PHACTR2: variants seen among roughly 807,000 people sequenced by gnomAD.
The protein encoded by PHACTR2 is chromosome 6 open reading frame 56.
In PHACTR2, 30 loss-of-function variants were observed where a neutral mutation model predicts 76.0. The ratio of observed to expected loss-of-function variants is 0.39; its 90% CI spans 0.30 to 0.54. PHACTR2 has a LOEUF of 0.54. Ranked by LOEUF, PHACTR2 falls within the 20% of genes least tolerant of loss-of-function variation. PHACTR2 has a pLI of 0.61. For synonymous variants in PHACTR2, 292 were observed against 292.5 expected, an observed-to-expected ratio of 1.00 and a Z score of 0.02; for missense variants, 696 against 781.1, an observed-to-expected ratio of 0.89 and a Z score of 1.30.
intron 9 of PHACTR2, among the ~76,000 whole-genome samples, chr6:143,781,340 A>G (rs1031838920): frequency 1.3e-5 from 2 of 152,226 alleles, no homozygotes; most frequent in African/African-American, 4.8e-5. Flanking sequence ...TAATAAGGCA[A>G]AACTTTCAAA....
intron 1 of PHACTR2, among the ~76,000 whole-genome samples, chr6:143,704,097 G>GTGTGTGTGTC (rs1554221247): frequency 2.8e-5 from 4 of 142,528 alleles, no homozygotes; most frequent in African/African-American, 5.5e-5. Flanking sequence ...GTGTGTGTCT[G>GTGTGTGTGTC]TGTGTGTGTG....
At chr6:143,744,342 A>C (rs1335282165) in intron 2 of PHACTR2, among the ~76,000 whole-genome samples, 1 of 152,202 alleles carries the variant, frequency 6.6e-6, no homozygotes, top group African/African-American at 2.4e-5. Flanking sequence ...TCTTTTATTC[A>C]ACAAATACAC....
chr6:143,585,913 CATT>C lies in PHACTR2; in HGVS notation c.217+48710_217+48712del, dbSNP rs1436648942. 1.3e-5 allele frequency among the ~76,000 whole-genome samples: 2 copies of C among 152,174 alleles called. No homozygotes were observed. The highest frequency in any genetic ancestry group is 2.9e-5 in the Non-Finnish European group (2 of 68,026). ...CCGCTAGCACTTCATGGCAGGGACA[CATT>C]ATTTTTCTTCTTTGAAACAATCCAT... On this transcript the variant is annotated intron_variant, in intron 1 of 11. Transcript: ENST00000367584. This position sits in a 1 kb window ranked among gnomAD's most constrained non-coding sequence, Gnocchi z 5.2.
chr6:143,819,927 A>G lies in PHACTR2; in HGVS notation c.1923-3747A>G, dbSNP rs1776376066. The stretch of plus-strand genomic sequence containing the variant: ...TGGCTCACAGTTCTGCAGGCTGTAC[A>G]GGAAGCATAGCAGCATCTGCTTCTG... On this transcript the variant is annotated intron_variant, in intron 12 of 12. Transcript: ENST00000440869. This position sits in a 1 kb window ranked among gnomAD's most constrained non-coding sequence, Gnocchi z 5.0. 6.6e-6 allele frequency among the ~76,000 whole-genome samples: 1 copy of G among 152,206 alleles called. No homozygotes were observed. The highest frequency in any genetic ancestry group is 2.4e-5 in the African/African-American group (1 of 41,456).
chr6:143,796,138 T>C (rs902703686), intron 11 of PHACTR2, among the ~76,000 whole-genome samples: 9 of 152,212 alleles, frequency 5.9e-5, no homozygotes, highest in African/African-American at 2.2e-4. Context: ...TAAGAAAGCC[T>C]GAGATTTTTG....
chr6:143,631,501 C>T (rs1776362487), intron 1 of PHACTR2, among the ~76,000 whole-genome samples: 1 of 152,080 alleles, frequency 6.6e-6, no homozygotes, highest in South Asian at 2.1e-4. Context: ...GCCAGGCAAG[C>T]TTTTTTTAGC....
chr6:143,779,032 A>G (rs919730946), intron 9 of PHACTR2, among the ~76,000 whole-genome samples: 3 of 152,122 alleles, frequency 2.0e-5, no homozygotes, highest in African/African-American at 7.2e-5. Context: ...TCACCTAAGC[A>G]TATTTATTTC....
At chr6:143,744,399 G>A (rs1562290838) in intron 2 of PHACTR2, among the ~76,000 whole-genome samples, 1 of 152,190 alleles carries the variant, frequency 6.6e-6, no homozygotes, top group Non-Finnish European at 1.5e-5. Context: ...TGGGGACACA[G>A]CAGTAAGCAA....
At position 143,671,447 on chromosome 6, in the gene PHACTR2, G is replaced by C. The variant is rs1777152850; in HGVS notation, c.14-40569G>C. Among the ~76,000 whole-genome samples, 1 of 152,054 alleles carries C rather than the reference G, an allele frequency of 6.6e-6. No individual in the cohort carries two copies. The highest frequency in any genetic ancestry group is 6.6e-5 in the Admixed American group (1 of 15,266). ...ACTCCATTACCTCCTTTGTGTTTTT[G>C]CTTAAACATTATCTTCTCAGTGAGG... On this transcript the variant is annotated intron_variant, in intron 1 of 11. Transcript: ENST00000305766. This position sits in a 1 kb window ranked among gnomAD's most constrained non-coding sequence, Gnocchi z 4.6.
rs1776219220 is a variant in PHACTR2 at position 143,624,492 on chromosome 6, A to G, written c.13+16170A>G. The stretch of plus-strand genomic sequence containing the variant: ...ATATCACCACAACATGGACATTTCA[A>G]CTAGATTTTCTTCCACCTTCCTAAA... On this transcript the variant is annotated intron_variant, in intron 1 of 11. Coordinates refer to the PHACTR2 transcript ENST00000305766. The surrounding 1 kb of genome is among the most constrained non-coding windows in gnomAD (Gnocchi z 4.6). Among the ~76,000 whole-genome samples the G allele has an allele frequency of 6.6e-6, 1 of 152,212 alleles. No individual in the cohort carries two copies. The highest frequency in any genetic ancestry group is 2.4e-5 in the African/African-American group (1 of 41,476).
At chr6:143,545,720 C>A (rs1006767631) in intron 1 of PHACTR2, among the ~76,000 whole-genome samples, 1 of 152,150 alleles carries the variant, frequency 6.6e-6, no homozygotes, top group Non-Finnish European at 1.5e-5. Context: ...ATATCTATCA[C>A]CCCTCATAGA....
intron 12 of PHACTR2, among the ~76,000 whole-genome samples, chr6:143,812,841 G>A (rs146507290): frequency 6.6e-6 from 1 of 152,048 alleles, no homozygotes; most frequent in African/African-American, 2.4e-5. Context: ...AGACCAACAT[G>A]GCAAACAAAA....
chr6:143,602,540 T>C lies in PHACTR2; in HGVS notation c.217+65333T>C, dbSNP rs1305025910. Among the ~76,000 whole-genome samples, 1 of 152,238 alleles carries C rather than the reference T, an allele frequency of 6.6e-6. No individual in the cohort carries two copies. Among genetic ancestry groups the C allele is most frequent in the African/African-American group, 2.4e-5 (1 of 41,454 alleles). On this transcript the variant is annotated intron_variant, in intron 1 of 11. Coordinates refer to the PHACTR2 transcript ENST00000367584. The surrounding 1 kb of genome is among the most constrained non-coding windows in gnomAD (Gnocchi z 6.1). ...TGGCCTTGACCTCTGCTTTTGTCCC[T>C]TGGGTACAGCAGGACATTGCAGAAA...
In PHACTR2 at chr6:143,688,800, G is replaced by C. The variant is rs1347386706; in HGVS notation, c.46+10591G>C. Among the ~76,000 whole-genome samples the C allele has an allele frequency of 6.6e-6, 1 of 152,274 alleles. No individual in the cohort carries two copies. The highest frequency in any genetic ancestry group is 1.9e-4 in the East Asian group (1 of 5,170). Reference sequence around the variant, plus strand: ...AGATTCCAGCTGCTCTCCTGCTTCTGTTCCCACCCTTCTGCAATTCATTTT... The same window carrying C: ...AGATTCCAGCTGCTCTCCTGCTTCTCTTCCCACCCTTCTGCAATTCATTTT... On this transcript the variant is annotated intron_variant, in intron 1 of 12. Transcript: ENST00000440869. This position sits in a 1 kb window ranked among gnomAD's most constrained non-coding sequence, Gnocchi z 5.2.
rs1184470018 is a variant in PHACTR2 at position 143,581,906 on chromosome 6, TG to T, written c.217+44700del. ...ACTTAGATGAACCCAGTCTATTTTTTGCAGTTATACATGGGGATGGCAAAAG... is the reference window on the plus strand; with the variant it reads ...ACTTAGATGAACCCAGTCTATTTTTTCAGTTATACATGGGGATGGCAAAAG... On this transcript the variant is annotated intron_variant, in intron 1 of 11. Coordinates refer to the PHACTR2 transcript ENST00000367584. The surrounding 1 kb of genome is among the most constrained non-coding windows in gnomAD (Gnocchi z 4.5). Among the ~76,000 whole-genome samples, 1 of 152,194 alleles carries T rather than the reference TG, an allele frequency of 6.6e-6. No homozygotes were observed. Among genetic ancestry groups the T allele is most frequent in the African/African-American group, 2.4e-5 (1 of 41,432 alleles).
intron 1 of PHACTR2, among the ~76,000 whole-genome samples, chr6:143,612,628 C>T (rs1423470649): frequency 6.6e-6 from 1 of 151,328 alleles, no homozygotes; most frequent in Non-Finnish European, 1.5e-5. Context: ...CACACACGTA[C>T]ATAATATGTA....
At position 143,829,296 on chromosome 6, in the gene PHACTR2, A is replaced by G. The variant is rs922955014; in HGVS notation, c.*5607A>G. ...ATTGTTGCATGGGTTAAACACAAAC[A>G]CAGACTAGCAATGCACTTGAACAAA... On this transcript the variant is annotated 3_prime_UTR_variant, in exon 13 of 13. Coordinates refer to ENST00000440869, the MANE Select transcript of PHACTR2 (RefSeq NM_001100164.2). 6.6e-6 allele frequency: 1 copy of G among 151,372 alleles called. No individual in the cohort carries two copies. Among genetic ancestry groups the G allele is most frequent in the South Asian group, 2.1e-4 (1 of 4,804 alleles). The allele number at this position is 151,372 out of a possible 1,614,324, so 9.4% of individuals were successfully genotyped here. A position where few individuals can be genotyped will look rare whatever the true frequency, so the allele number is the denominator to read the frequency against.
rs1775807706 is a variant in PHACTR2, at chr6:143,795,709, T to C, written c.1845+6799T>C. Among the ~76,000 whole-genome samples, 3 of 152,236 alleles carry C rather than the reference T, an allele frequency of 2.0e-5. No homozygotes were observed. The highest frequency in any genetic ancestry group is 4.4e-5 in the Non-Finnish European group (3 of 68,040). On this transcript the variant is annotated intron_variant, in intron 11 of 12. Transcript: ENST00000440869. This position sits in a 1 kb window ranked among gnomAD's most constrained non-coding sequence, Gnocchi z 4.8. The stretch of plus-strand genomic sequence containing the variant: ...CTTCTAGGATGGATTGATCCTTGAC[T>C]TGGCCACTTAGTAGTTGTTTGACCT...
In PHACTR2 at chr6:143,754,445, C is replaced by T. The variant is rs983741818; in HGVS notation, c.454+533C>T. Among the ~76,000 whole-genome samples the T allele has an allele frequency of 6.6e-5, 10 of 152,322 alleles. No individual in the cohort carries two copies. Among genetic ancestry groups the T allele is most frequent in the Non-Finnish European group, 1.0e-4 (7 of 68,016 alleles). On this transcript the variant is annotated intron_variant, in intron 4 of 12. Coordinates refer to ENST00000440869, the MANE Select transcript of PHACTR2 (RefSeq NM_001100164.2). This position sits in a 1 kb window ranked among gnomAD's most constrained non-coding sequence, Gnocchi z 6.2. ...CCAGGAATAGCTCCCAGAGATGCCACGGACTGTGGTTGCTCTGCTGGCTGA... is the reference window on the plus strand; with the variant it reads ...CCAGGAATAGCTCCCAGAGATGCCATGGACTGTGGTTGCTCTGCTGGCTGA...
Sources: allele counts gnomAD v4.1 joint callset (sites outside exome capture counted in the v4.1 genomes callset), GRCh38; gene constraint gnomAD v4.1.1; non-coding constraint Gnocchi (gnomAD v3.1); transcripts MANE v1.5; gene names NCBI Gene and HGNC (gene_info 2026-07-23, HGNC 2026-07-21).